Variants in MACROD2 observed in about 807,000 individuals in gnomAD.
MACROD2 encodes ADP-ribose glycohydrolase MACROD2.
A neutral mutation model predicts 70.4 loss-of-function variants in MACROD2; 36 were observed. The observed-to-expected ratio is 0.51, with a 90% CI of 0.39 to 0.68. MACROD2 has a LOEUF of 0.68. MACROD2 is among the 30% of genes least tolerant of loss of function. The probability of loss-of-function intolerance (pLI) is 0.00; values close to 1 mark genes in which losing one functional copy is unlikely to be tolerated. For synonymous variants in MACROD2, 172 were observed against 178.8 expected, an observed-to-expected ratio of 0.96 and a Z score of 0.30; for missense variants, 496 against 538.4, an observed-to-expected ratio of 0.92 and a Z score of 0.78.
At chr20:14,562,310 T>C (rs1979488208) in intron 4 of MACROD2, among the ~76,000 whole-genome samples, 3 of 152,010 alleles carry the variant, frequency 2.0e-5, no homozygotes, top group African/African-American at 4.8e-5. Flanking sequence ...AATATGTAAG[T>C]AGAGTCAAAT....
intron 5 of MACROD2, among the ~76,000 whole-genome samples, chr20:15,151,736 T>C (rs1734919): frequency 0.88 from 133,415 of 151,946 alleles, 58,755 homozygotes; most frequent in East Asian, 1. Context: ...CTTGACTATG[T>C]CTTTAGCTCT....
In MACROD2 at chr20:14,336,334, AT is replaced by A. The variant is rs897913995; in HGVS notation, c.272-157137del. 7.9e-5 allele frequency among the ~76,000 whole-genome samples: 12 copies of A among 151,964 alleles called. 1 individual carries two copies. Among genetic ancestry groups the A allele is most frequent in the South Asian group, 6.2e-4 (3 of 4,820 alleles). On this transcript the variant is annotated intron_variant, in intron 3 of 17. Transcript: ENST00000684519. ...GGACTAAAAATTGAAAAAAAAATCA[AT>A]TTTTTTTCTTTTAAATTCTAAATAA...
chr20:14,216,875 C>A (rs150963345), intron 3 of MACROD2, among the ~76,000 whole-genome samples: 1 of 152,186 alleles, frequency 6.6e-6, no homozygotes, highest in Admixed American at 6.5e-5. Context: ...GGAAAATTTG[C>A]TGAATTCTTT....
chr20:14,938,619 AAAAAAAC>A (rs964935106), intron 5 of MACROD2, among the ~76,000 whole-genome samples: 1 of 151,994 alleles, frequency 6.6e-6, no homozygotes, highest in Non-Finnish European at 1.5e-5. Flanking sequence ...CAGCTCTACT[AAAAAAAC>A]AAAAATTAGC....
intron 5 of MACROD2, among the ~76,000 whole-genome samples, chr20:14,851,806 A>G (rs2073202264): frequency 6.6e-6 from 1 of 152,204 alleles, no homozygotes. Context: ...TTCCCATTTC[A>G]CAGAAAACAA....
chr20:15,204,591 A>T (rs937584318), intron 5 of MACROD2, among the ~76,000 whole-genome samples: 14 of 152,098 alleles, frequency 9.2e-5, no homozygotes, highest in Non-Finnish European at 1.8e-4. Context: ...CCTTTTTCTG[A>T]AACTAATTTT....
chr20:15,295,524 G>A (rs1268050608), intron 6 of MACROD2, among the ~76,000 whole-genome samples: 1 of 151,602 alleles, frequency 6.6e-6, no homozygotes, highest in African/African-American at 2.4e-5. Flanking sequence ...AAGTGAAATA[G>A]CGATGATAGA....
At chr20:14,315,383 A>G (rs2082604156) in intron 3 of MACROD2, among the ~76,000 whole-genome samples, 1 of 152,242 alleles carries the variant, frequency 6.6e-6, no homozygotes, top group African/African-American at 2.4e-5. Context: ...ACTTAGTGAT[A>G]TAAGTGTTTG....
chr20:14,948,143 C>G (rs943757098), intron 5 of MACROD2, among the ~76,000 whole-genome samples: 2 of 152,146 alleles, frequency 1.3e-5, no homozygotes, highest in Non-Finnish European at 2.9e-5. Flanking sequence ...CTGATTGCAG[C>G]TCCTTTGAGG....
At chr20:14,540,274 G>GT (rs1412337754) in intron 4 of MACROD2, among the ~76,000 whole-genome samples, 5 of 152,180 alleles carry the variant, frequency 3.3e-5, no homozygotes, top group Middle Eastern at 3.4e-3. Flanking sequence ...TCCCCAGATG[G>GT]TTTTTTACCA....
At chr20:14,456,919 G>C (rs553690259) in intron 3 of MACROD2, among the ~76,000 whole-genome samples, 5 of 151,610 alleles carry the variant, frequency 3.3e-5, no homozygotes, top group Non-Finnish European at 7.4e-5. Flanking sequence ...GGGTTTCACC[G>C]TGTTAGCCAG....
intron 4 of MACROD2, among the ~76,000 whole-genome samples, chr20:14,595,042 A>G (rs1229002175): frequency 6.6e-6 from 1 of 152,232 alleles, no homozygotes; most frequent in Non-Finnish European, 1.5e-5. Context: ...ACATTTGCAT[A>G]AAAATGGGTC....
intron 6 of MACROD2, among the ~76,000 whole-genome samples, chr20:15,239,630 A>G (rs1197408586): frequency 6.6e-6 from 1 of 152,182 alleles, no homozygotes; most frequent in African/African-American, 2.4e-5. Context: ...TTCTGAGCCC[A>G]TGTTCTGAAA....
Position 15,496,658 on chromosome 20 carries a change from A to G in MACROD2, c.572-3116A>G, listed in dbSNP as rs184725974. On this transcript the variant is annotated intron_variant, in intron 7 of 17. Coordinates refer to ENST00000684519, the MANE Select transcript of MACROD2 (RefSeq NM_001351661.2). ...TTTATGATGTAAGTACTTATTCAAC[A>G]TACCTAACATTTGGAGAAGAATTTT... Among the ~76,000 whole-genome samples the G allele has an allele frequency of 2.5e-3, 380 of 152,352 alleles. 1 individual carries two copies. Among genetic ancestry groups the G allele is most frequent in the Non-Finnish European group, 4.0e-3 (275 of 68,036 alleles).
intron 9 of MACROD2, among the ~76,000 whole-genome samples, chr20:15,864,705 C>T (rs926510529): frequency 6.6e-6 from 1 of 151,962 alleles, no homozygotes; most frequent in Non-Finnish European, 1.5e-5. Context: ...ACTTTAAATA[C>T]ATTTTAAAAT....
At chr20:15,066,989 C>G (rs2075581858) in intron 5 of MACROD2, among the ~76,000 whole-genome samples, 1 of 151,070 alleles carries the variant, frequency 6.6e-6, no homozygotes, top group South Asian at 2.1e-4. Flanking sequence ...AGTCAAATTT[C>G]AAAACAAAAA....
At chr20:15,383,675 C>T (rs532669207) in intron 6 of MACROD2, among the ~76,000 whole-genome samples, 1 of 152,292 alleles carries the variant, frequency 6.6e-6, no homozygotes, top group African/African-American at 2.4e-5. Context: ...CAGCATTGAT[C>T]TCCAGGAAAG....
At chr20:15,480,804 A>G (rs952591529) in intron 7 of MACROD2, among the ~76,000 whole-genome samples, 2 of 151,986 alleles carry the variant, frequency 1.3e-5, no homozygotes, top group African/African-American at 4.8e-5. Context: ...ATCTTTTTGG[A>G]ATGACGTTGT....
intron 4 of MACROD2, among the ~76,000 whole-genome samples, chr20:14,673,819 C>T (rs559244362): frequency 6.6e-6 from 1 of 150,502 alleles, no homozygotes; most frequent in Non-Finnish European, 1.5e-5. Context: ...ACTCGGGAGG[C>T]TGAGGCAGGA....
Sources: gnomAD v4.1 joint callset for allele counts (sites outside exome capture counted in the v4.1 genomes callset) on GRCh38, gnomAD v4.1.1 for gene constraint, MANE v1.5 for transcripts, NCBI Gene and HGNC (gene_info 2026-07-23, HGNC 2026-07-21) for gene names.